TENM4: variants seen among roughly 807,000 people sequenced by gnomAD.
The protein encoded by TENM4 is teneurin-4.
TENM4 carries 82 observed loss-of-function variants against 243.3 expected under a neutral mutation model. The observed-to-expected ratio is 0.34, with a 90% CI of 0.28 to 0.40. The LOEUF (loss-of-function observed/expected upper bound fraction) is 0.40. TENM4 is among the 10% of genes least tolerant of loss of function. TENM4 has a pLI of 1.00. For synonymous variants in TENM4, 1,412 were observed against 1,456.3 expected (o/e 0.97, Z 0.69); for missense variants, 3,138 against 3,673.3 (o/e 0.85, Z 3.77).
chr11:78,869,694 T>C (rs1565415347), intron 9 of TENM4, among the ~76,000 whole-genome samples: 3 of 152,108 alleles, frequency 2.0e-5, no homozygotes, highest in Admixed American at 6.5e-5. Flanking sequence ...AGATAGGAAG[T>C]ACTAAGGCCA....
intron 32 of TENM4, among the ~76,000 whole-genome samples, chr11:78,665,244 T>C (rs948533335): frequency 4.6e-5 from 7 of 151,876 alleles, no homozygotes; most frequent in African/African-American, 1.2e-4. Flanking sequence ...TCTTTCTCTC[T>C]TTCTTTTCTT....
intron 4 of TENM4, among the ~76,000 whole-genome samples, chr11:79,089,690 C>T (rs969907147): frequency 5.3e-5 from 8 of 152,106 alleles, no homozygotes; most frequent in Admixed American, 2.0e-4. Context: ...TTCCAATGGC[C>T]GCAGGCAAGA....
At chr11:78,658,859 A>T in intron 33 of TENM4, 43 bp from the exon 34 acceptor site, 1 of 1,567,698 alleles carries the variant, frequency 6.4e-7, no homozygotes, top group Non-Finnish European at 8.7e-7. Context: ...GACAAAGGGG[A>T]AAAAACCCTG....
chr11:79,279,941 G>A (rs574151537), intron 2 of TENM4, among the ~76,000 whole-genome samples: 1 of 152,098 alleles, frequency 6.6e-6, no homozygotes, highest in Non-Finnish European at 1.5e-5. Flanking sequence ...CTTATAAAAG[G>A]GGTGGAGGGA....
At chr11:78,897,766 T>A (rs1855831473) in intron 7 of TENM4, among the ~76,000 whole-genome samples, 1 of 152,268 alleles carries the variant, frequency 6.6e-6, no homozygotes, top group Non-Finnish European at 1.5e-5. Context: ...GCTCTGGGGC[T>A]GACCTGGCCT....
chr11:78,951,524 A>T (rs1477770019), intron 6 of TENM4, among the ~76,000 whole-genome samples: 2 of 152,204 alleles, frequency 1.3e-5, no homozygotes, highest in Non-Finnish European at 2.9e-5. Flanking sequence ...GGTTGCTTAA[A>T]TAATAGAAAT....
At chr11:79,226,273 CT>C (rs1864263234) in intron 2 of TENM4, among the ~76,000 whole-genome samples, 1 of 152,216 alleles carries the variant, frequency 6.6e-6, no homozygotes, top group Non-Finnish European at 1.5e-5. Context: ...CTTAGGAACC[CT>C]TTGTTTCTTC....
chr11:79,407,027 CT>C (rs1020018458), intron 1 of TENM4, among the ~76,000 whole-genome samples: 3 of 152,192 alleles, frequency 2.0e-5, no homozygotes, highest in African/African-American at 7.2e-5. Context: ...TTTCCTGCCC[CT>C]GACCCCCAAC....
At chr11:79,377,556 A>T (rs1209635170) in intron 1 of TENM4, among the ~76,000 whole-genome samples, 3 of 152,190 alleles carry the variant, frequency 2.0e-5, no homozygotes, top group Non-Finnish European at 4.4e-5. Context: ...GAGGATTAAG[A>T]GGGACACATA....
At chr11:79,069,691 C>T (rs1287898543) in intron 5 of TENM4, 31 bp downstream of exon 5, 1 of 1,532,206 alleles carries the variant, frequency 6.5e-7, no homozygotes, top group East Asian at 2.5e-5. Context: ...TCACCTGCGC[C>T]TGAGGCCCGC....
chr11:78,955,065 A>G (rs1857180385), intron 6 of TENM4, among the ~76,000 whole-genome samples: 1 of 152,238 alleles, frequency 6.6e-6, no homozygotes, highest in Non-Finnish European at 1.5e-5. Flanking sequence ...CTCACATGAT[A>G]GCAGCGGGCC....
At chr11:79,283,829 G>A (rs1406536879) in intron 2 of TENM4, among the ~76,000 whole-genome samples, 1 of 151,994 alleles carries the variant, frequency 6.6e-6, no homozygotes, top group Non-Finnish European at 1.5e-5. Context: ...ATCCACAAAA[G>A]AGCTATTAGA....
chr11:78,981,745 G>A (rs934426281), intron 6 of TENM4, among the ~76,000 whole-genome samples: 5 of 152,098 alleles, frequency 3.3e-5, no homozygotes, highest in African/African-American at 1.2e-4. Flanking sequence ...CATTGAAGCC[G>A]GTTTGAGTTG....
At chr11:78,742,632 G>A (rs1424269659) in intron 19 of TENM4, among the ~76,000 whole-genome samples, 4 of 152,132 alleles carry the variant, frequency 2.6e-5, no homozygotes, top group Non-Finnish European at 5.9e-5. Flanking sequence ...AGGAGGGAGC[G>A]CTTGTGCCAA....
At chr11:79,261,633 CAG>C (rs1171785389) in intron 2 of TENM4, among the ~76,000 whole-genome samples, 8 of 151,714 alleles carry the variant, frequency 5.3e-5, no homozygotes, top group Admixed American at 2.0e-4. Context: ...TGGGAATATA[CAG>C]AGAGAGAGAG....
At chr11:79,337,870 G>T (rs1019679930) in intron 1 of TENM4, among the ~76,000 whole-genome samples, 3 of 152,166 alleles carry the variant, frequency 2.0e-5, no homozygotes, top group Non-Finnish European at 4.4e-5. Flanking sequence ...TCCACACTCT[G>T]CAGACAAGGA....
intron 6 of TENM4, among the ~76,000 whole-genome samples, chr11:79,056,858 G>T (rs1258612682): frequency 6.6e-6 from 1 of 152,218 alleles, no homozygotes; most frequent in Non-Finnish European, 1.5e-5. Flanking sequence ...ACTGGGCCAA[G>T]GTAGCTGTGA....
chr11:79,062,314 C>T (rs1413464088), intron 6 of TENM4, among the ~76,000 whole-genome samples: 1 of 152,114 alleles, frequency 6.6e-6, no homozygotes, highest in Admixed American at 6.6e-5. Context: ...TCTTGCACAC[C>T]TTCATCTTGT....
At chr11:78,824,245 T>C (rs916044591) in intron 12 of TENM4, among the ~76,000 whole-genome samples, 3 of 152,098 alleles carry the variant, frequency 2.0e-5, no homozygotes, top group Non-Finnish European at 4.4e-5. Flanking sequence ...ACAGGAAGCA[T>C]AACACCGGCA....
Sources: allele counts gnomAD v4.1 joint callset (sites outside exome capture counted in the v4.1 genomes callset), GRCh38; gene constraint gnomAD v4.1.1; transcripts MANE v1.5; gene names NCBI Gene and HGNC (gene_info 2026-07-23, HGNC 2026-07-21).